LYRM7: variants seen among roughly 807,000 people sequenced by gnomAD.
LYRM7 encodes the protein LYR motif containing 7.
In LYRM7, 9 loss-of-function variants were observed where a neutral mutation model predicts 15.8. The ratio of observed to expected loss-of-function variants is 0.57; its 90% confidence interval spans 0.34 to 0.99. LYRM7 has a LOEUF of 0.99. LYRM7 is among the 50% of genes least tolerant of loss of function. LYRM7 has a pLI of 0.02. For synonymous variants in LYRM7, 39 were observed against 39.4 expected (o/e 0.99, Z 0.04); for missense variants, 115 against 119.1 (o/e 0.97, Z 0.16).
chr5:131,203,330 A>G lies in LYRM7; in HGVS notation c.*3729A>G, dbSNP rs1180050378. 1 of 152,240 alleles carries G rather than the reference A, an allele frequency of 6.6e-6. No individual in the cohort carries two copies. The highest frequency in any genetic ancestry group is 1.9e-4 in the East Asian group (1 of 5,208). The allele number at this position is 152,240 out of a possible 1,614,324, so 9.4% of individuals were successfully genotyped here. On this transcript the variant is annotated 3_prime_UTR_variant, in exon 5 of 5. Coordinates refer to ENST00000379380, the MANE Select transcript of LYRM7 (RefSeq NM_181705.4). ...ATAGACTTCTAAAATAAGCTATAAC[A>G]CTTAAAAAGGAGAGATATACTATGT...
At chr5:131,171,660 C>T (rs74648562) in intron 1 of LYRM7, 1 of 152,178 alleles carries the variant, frequency 6.6e-6, no homozygotes, top group South Asian at 2.1e-4. Context: ...CTGCCCGGCG[C>T]ACAATTCTCA....
At chr5:131,187,170 T>C in intron 4 of LYRM7, 61 bp downstream of exon 4, 1 of 922,372 alleles carries the variant, frequency 1.1e-6, no homozygotes, top group Non-Finnish European at 1.7e-6. Context: ...ATTGAATAAT[T>C]ATAGCACATG....
intron 1 of LYRM7, among the ~76,000 whole-genome samples, chr5:131,175,217 G>A (rs1251248586): frequency 8.7e-6 from 1 of 114,612 alleles, no homozygotes; most frequent in African/African-American, 5.5e-5. Context: ...TTTTTTTTTG[G>A]TGATGGAGTT....
intron 3 of LYRM7, among the ~76,000 whole-genome samples, chr5:131,184,642 G>GGC (rs1554090143): frequency 5.6e-5 from 8 of 142,254 alleles, no homozygotes; most frequent in Non-Finnish European, 1.2e-4. Flanking sequence ...TTTTTTGGCG[G>GGC]GGGGGGGGTT....
chr5:131,171,063 G>A (rs1755511448), intron 1 of LYRM7, 25 bp downstream of exon 1: 1 of 1,515,894 alleles, frequency 6.6e-7, no homozygotes, highest in Non-Finnish European at 8.7e-7. Flanking sequence ...GAAGGGGTGG[G>A]TACGATGCCG....
intron 1 of LYRM7, among the ~76,000 whole-genome samples, chr5:131,179,784 A>G (rs1330299027): frequency 6.6e-6 from 1 of 151,998 alleles, no homozygotes; most frequent in Non-Finnish European, 1.5e-5. Context: ...AAAAATACAA[A>G]AATTAGCCAG....
At chr5:131,175,735 A>G (rs1176365314) in intron 1 of LYRM7, among the ~76,000 whole-genome samples, 3 of 143,152 alleles carry the variant, frequency 2.1e-5, no homozygotes, top group Admixed American at 6.8e-5. Context: ...GGGTTTGGCC[A>G]TGTTGCCCAG....
intron 1 of LYRM7, 23 bp from the exon 2 acceptor site, chr5:131,180,072 T>A: frequency 6.4e-7 from 1 of 1,573,092 alleles, no homozygotes; most frequent in Non-Finnish European, 8.7e-7. Context: ...GTGCCCAACC[T>A]TGAATTCTGA....
At chr5:131,179,622 C>T (rs553761835) in intron 1 of LYRM7, among the ~76,000 whole-genome samples, 2 of 151,882 alleles carry the variant, frequency 1.3e-5, no homozygotes, top group East Asian at 3.9e-4. Context: ...GTGCACACCA[C>T]CATGGCCTGA....
chr5:131,179,968 T>A, intron 1 of LYRM7, 127 bp from the exon 2 acceptor site: 1 of 612,190 alleles, frequency 1.6e-6, no homozygotes, highest in South Asian at 2.0e-5. Context: ...GAGATGGGGG[T>A]CTCACCATAT....
chr5:131,199,412 G>A, intron 4 of LYRM7, 119 bp from the exon 5 acceptor site: 1 of 628,522 alleles, frequency 1.6e-6, no homozygotes, highest in African/African-American at 1.9e-5. Flanking sequence ...AATATCCCTG[G>A]AAGATTTATC....
chr5:131,188,517 T>G (rs550062232), intron 4 of LYRM7, among the ~76,000 whole-genome samples: 1 of 152,220 alleles, frequency 6.6e-6, no homozygotes, highest in African/African-American at 2.4e-5. Context: ...GAGGACCTTT[T>G]CAGTTGTTTA....
At chr5:131,172,143 G>C (rs192260073) in intron 1 of LYRM7, among the ~76,000 whole-genome samples, 1 of 152,352 alleles carries the variant, frequency 6.6e-6, no homozygotes, top group Non-Finnish European at 1.5e-5. Context: ...GCTGGGTGCA[G>C]AGGCTCACAC....
chr5:131,198,297 T>C lies in LYRM7; in HGVS notation c.245-1234T>C, dbSNP rs145673216. The stretch of plus-strand genomic sequence containing the variant: ...AATCTTTCCATTTGTCCTAATAATG[T>C]ATTTTATGGCAAAAGGAAAAAAAAT... On this transcript the variant is annotated intron_variant, in intron 4 of 4. Transcript: ENST00000379380. Among the ~76,000 whole-genome samples the C allele has an allele frequency of 1.9e-3, 291 of 152,292 alleles. 1 individual carries two copies. The highest frequency in any genetic ancestry group is 6.7e-3 in the African/African-American group (280 of 41,562).
chr5:131,181,302 A>AAAATATATATATATATATATATAT (rs1554089865), intron 2 of LYRM7, among the ~76,000 whole-genome samples: 1 of 8,774 alleles, frequency 1.1e-4, no homozygotes, highest in Non-Finnish European at 3.3e-4. Context: ...AAAAAAAAAA[A>AAAATATATATATATATATATATAT]ATATATATAT....
intron 3 of LYRM7, among the ~76,000 whole-genome samples, chr5:131,183,423 CAT>C (rs922538718): frequency 2.7e-4 from 41 of 152,206 alleles, no homozygotes; most frequent in Non-Finnish European, 3.8e-4. Context: ...TAATTCATAA[CAT>C]ATGATAATTT....
intron 1 of LYRM7, among the ~76,000 whole-genome samples, chr5:131,173,307 T>C (rs921726933): frequency 6.6e-6 from 1 of 152,230 alleles, no homozygotes; most frequent in Non-Finnish European, 1.5e-5. Flanking sequence ...TAGGTGATGC[T>C]GCAGGTTTGG....
At chr5:131,197,541 C>CTTTTTTTTTTT (rs60003952) in intron 4 of LYRM7, among the ~76,000 whole-genome samples, 16 of 90,754 alleles carry the variant, frequency 1.8e-4, no homozygotes, top group African/African-American at 2.6e-4. Flanking sequence ...TGTCTTCTGT[C>CTTTTTTTTTTT]TTTTTTTTTT....
At chr5:131,189,609 C>T (rs1323064110) in intron 4 of LYRM7, among the ~76,000 whole-genome samples, 4 of 151,992 alleles carry the variant, frequency 2.6e-5, no homozygotes, top group Non-Finnish European at 4.4e-5. Flanking sequence ...ATTGAAAAGA[C>T]CACTCTTCCC....
Sources: gnomAD v4.1 joint callset for allele counts (sites outside exome capture counted in the v4.1 genomes callset) on GRCh38, gnomAD v4.1.1 for gene constraint, MANE v1.5 for transcripts, NCBI Gene and HGNC (gene_info 2026-07-23, HGNC 2026-07-21) for gene names.